CFAP299: variants seen among roughly 807,000 people sequenced by gnomAD.
CFAP299 encodes cilia and flagella associated protein 299.
CFAP299 carries 21 observed loss-of-function variants against 27.0 expected under a neutral mutation model. That is an observed-to-expected ratio of 0.78 (90% confidence interval 0.55 to 1.12). CFAP299 has a LOEUF of 1.12. CFAP299 is among the 50% of genes most tolerant of loss of function. The pLI is 0.00. For missense variants in CFAP299, 310 were observed against 276.6 expected, an observed-to-expected ratio of 1.12 and a Z score of -0.86; for synonymous variants, 104 against 98.1, an observed-to-expected ratio of 1.06 and a Z score of -0.36.
chr4:80,560,752 G>A (rs1185515588), intron 2 of CFAP299, among the ~76,000 whole-genome samples: 3 of 152,074 alleles, frequency 2.0e-5, no homozygotes, highest in East Asian at 1.9e-4. Context: ...GGGAAGAGTG[G>A]GAAGGACTAT....
intron 2 of CFAP299, among the ~76,000 whole-genome samples, chr4:80,498,820 A>G (rs1731587386): frequency 1.3e-5 from 2 of 152,210 alleles, no homozygotes. Flanking sequence ...CACTGTTTAC[A>G]ATAACATATA....
At chr4:80,732,565 C>T (rs1487034156) in intron 3 of CFAP299, among the ~76,000 whole-genome samples, 1 of 152,100 alleles carries the variant, frequency 6.6e-6, no homozygotes, top group Non-Finnish European at 1.5e-5. Context: ...AGCTGAAAAG[C>T]AATTGTCTCT....
rs182845785 is a variant in CFAP299, at chr4:80,676,282, C to T, written c.333+93099C>T. Among the ~76,000 whole-genome samples the T allele has an allele frequency of 2.9e-3, 434 of 152,248 alleles. 1 individual carries two copies. The highest frequency in any genetic ancestry group is 9.6e-3 in the African/African-American group (400 of 41,536). ...TCTCAATTTTCATATTTTGAACCAT[C>T]CTTGCATTTCTAGGATGAATTGCAC... is the stretch of plus-strand genomic sequence containing the variant. On this transcript the variant is annotated intron_variant, in intron 3 of 5. Transcript: ENST00000358105.
intron 3 of CFAP299, among the ~76,000 whole-genome samples, chr4:80,743,467 A>G (rs1724401735): frequency 6.6e-6 from 1 of 152,180 alleles, no homozygotes; most frequent in South Asian, 2.1e-4. Context: ...GTGGTGATTA[A>G]TATATGTGGA....
intron 2 of CFAP299, among the ~76,000 whole-genome samples, chr4:80,521,791 C>T (rs2110175608): frequency 6.7e-6 from 1 of 149,560 alleles, no homozygotes; most frequent in Non-Finnish European, 1.5e-5. Flanking sequence ...GACAGGATTC[C>T]CTTTTTTTTT....
intron 5 of CFAP299, among the ~76,000 whole-genome samples, chr4:80,954,157 A>G (rs532046360): frequency 3.3e-5 from 5 of 152,244 alleles, no homozygotes; most frequent in Non-Finnish European, 7.3e-5. Flanking sequence ...TAAAAACCTG[A>G]TAACTAATAA....
At chr4:80,660,855 A>G (rs1437280725) in intron 3 of CFAP299, among the ~76,000 whole-genome samples, 1 of 152,140 alleles carries the variant, frequency 6.6e-6, no homozygotes, top group Non-Finnish European at 1.5e-5. Context: ...CTTCAGCAGT[A>G]CCCAGGGATG....
At chr4:80,555,123 G>A (rs544978223) in intron 2 of CFAP299, among the ~76,000 whole-genome samples, 3 of 152,124 alleles carry the variant, frequency 2.0e-5, no homozygotes, top group Non-Finnish European at 4.4e-5. Flanking sequence ...TCCGTATGAT[G>A]TTGGCTGTGG....
At chr4:80,544,417 G>A (rs1734137994) in intron 2 of CFAP299, among the ~76,000 whole-genome samples, 1 of 152,160 alleles carries the variant, frequency 6.6e-6, no homozygotes, top group Non-Finnish European at 1.5e-5. Flanking sequence ...AAAAGTCATA[G>A]AGTGGCAAGT....
At chr4:80,832,231 G>A (rs1379336841) in intron 3 of CFAP299, among the ~76,000 whole-genome samples, 1 of 152,132 alleles carries the variant, frequency 6.6e-6, no homozygotes, top group Admixed American at 6.6e-5. Context: ...CATAACTCCA[G>A]AGGGTAACAT....
In CFAP299 at chr4:80,386,359, C is replaced by T. The variant is rs946110456; in HGVS notation, c.242+23475C>T. On this transcript the variant is annotated intron_variant, in intron 2 of 5. Transcript: ENST00000358105. The stretch of plus-strand genomic sequence containing the variant: ...ATGGAAAGCTCCGCGTTCAGCTCTG[C>T]GAAGGGCGGCTTGCCCGGGACGGCC... The T allele has an allele frequency of 2.8e-5, 40 of 1,453,312 alleles. No homozygotes were observed. The Middle Eastern group carries it at 5.9e-4, about 21-fold the overall frequency. 90.0% of individuals were successfully genotyped at this position (1,453,312 alleles called of 1,614,324 possible).
At chr4:80,940,418 C>T (rs1357448284) in intron 4 of CFAP299, among the ~76,000 whole-genome samples, 1 of 152,156 alleles carries the variant, frequency 6.6e-6, no homozygotes, top group Non-Finnish European at 1.5e-5. Flanking sequence ...GCGGGATCTC[C>T]CTTGGCCCTA....
intron 3 of CFAP299, among the ~76,000 whole-genome samples, chr4:80,706,324 T>C (rs1208323506): frequency 2.0e-5 from 3 of 151,756 alleles, no homozygotes; most frequent in African/African-American, 7.2e-5. Flanking sequence ...CCCCCCTGTA[T>C]TGTCTAAGTA....
the CFAP299 span, among the ~76,000 whole-genome samples, chr4:80,330,137 G>A: frequency 6.6e-6 from 1 of 152,088 alleles, no homozygotes; most frequent in African/African-American, 2.4e-5. Context: ...CAATAAACTT[G>A]AAATCAGTCT....
intron 4 of CFAP299, among the ~76,000 whole-genome samples, chr4:80,942,811 C>T (rs1737267614): frequency 6.6e-6 from 1 of 152,128 alleles, no homozygotes; most frequent in Admixed American, 6.6e-5. Flanking sequence ...AATATATGTA[C>T]AGTTGAAAAT....
At chr4:80,760,616 T>C (rs1351348930) in intron 3 of CFAP299, among the ~76,000 whole-genome samples, 1 of 152,240 alleles carries the variant, frequency 6.6e-6, no homozygotes, top group Admixed American at 6.5e-5. Context: ...TCATTTATCC[T>C]GCAATTATTA....
At chr4:80,525,981 A>G (rs919010652) in intron 2 of CFAP299, among the ~76,000 whole-genome samples, 2 of 152,198 alleles carry the variant, frequency 1.3e-5, no homozygotes, top group African/African-American at 4.8e-5. Context: ...AATCTTAGTG[A>G]AGGAATGTTT....
At chr4:80,633,916 A>T (rs1377455843) in intron 3 of CFAP299, among the ~76,000 whole-genome samples, 1 of 151,728 alleles carries the variant, frequency 6.6e-6, no homozygotes, top group African/African-American at 2.4e-5. Context: ...TAGAGAACAG[A>T]CTGAAAAGCC....
At chr4:80,950,829 C>T (rs986401226) in intron 5 of CFAP299, among the ~76,000 whole-genome samples, 3 of 152,098 alleles carry the variant, frequency 2.0e-5, no homozygotes, top group Non-Finnish European at 4.4e-5. Flanking sequence ...TCTAGTGGTT[C>T]ACAAGGGTTG....
Sources: allele counts gnomAD v4.1 joint callset (sites outside exome capture counted in the v4.1 genomes callset), GRCh38; gene constraint gnomAD v4.1.1; transcripts MANE v1.5; gene names NCBI Gene and HGNC (gene_info 2026-07-23, HGNC 2026-07-21).